NCAM1: variants seen among roughly 807,000 people sequenced by gnomAD.
NCAM1 encodes antigen recognized by monoclonal antibody 5.1H11.
In NCAM1, 14 loss-of-function variants were observed where a neutral mutation model predicts 109.8. The ratio of observed to expected loss-of-function variants is 0.13; its 90% CI spans 0.08 to 0.20. NCAM1 has a LOEUF of 0.20. Ranked by LOEUF, NCAM1 falls within the 10% of genes least tolerant of loss-of-function variation. NCAM1 has a pLI of 1.00. For synonymous variants in NCAM1, 418 were observed against 442.9 expected, an observed-to-expected ratio of 0.94 and a Z score of 0.70; for missense variants, 774 against 1,109.9, an observed-to-expected ratio of 0.70 and a Z score of 4.30.
At chr11:113,246,200 T>A in intron 14 of NCAM1, 168 bp from the exon 15 acceptor site, 1 of 554,698 alleles carries the variant, frequency 1.8e-6, no homozygotes, top group Non-Finnish European at 3.2e-6. Context: ...TGTGATTTTG[T>A]TGTTGATTTT....
intron 1 of NCAM1, among the ~76,000 whole-genome samples, chr11:113,011,738 C>T (rs1247165803): frequency 6.6e-6 from 1 of 152,132 alleles, no homozygotes; most frequent in Non-Finnish European, 1.5e-5. Flanking sequence ...TGGAGGGGAT[C>T]GTTAAGCAGT....
chr11:113,196,576 A>G (rs1411677174), intron 1 of NCAM1, among the ~76,000 whole-genome samples: 1 of 152,222 alleles, frequency 6.6e-6, no homozygotes, highest in African/African-American at 2.4e-5. Flanking sequence ...TCTGCTTTAC[A>G]TATGTTGGTT....
At chr11:113,048,157 C>A (rs1555081146) in intron 1 of NCAM1, among the ~76,000 whole-genome samples, 1 of 152,046 alleles carries the variant, frequency 6.6e-6, no homozygotes, top group Non-Finnish European at 1.5e-5. Context: ...CTGTTTTTTC[C>A]TGAGAAAAGG....
chr11:113,037,950 C>G (rs1275349997), intron 1 of NCAM1, among the ~76,000 whole-genome samples: 1 of 152,146 alleles, frequency 6.6e-6, no homozygotes, highest in Non-Finnish European at 1.5e-5. Context: ...TCTGGCCCAG[C>G]CTCCAAGGAA....
chr11:113,238,919 C>T (rs1945249531), intron 14 of NCAM1, among the ~76,000 whole-genome samples: 1 of 152,218 alleles, frequency 6.6e-6, no homozygotes, highest in South Asian at 2.1e-4. Context: ...TCCTGGGCTG[C>T]CAGGTGTCAG....
chr11:113,025,637 C>G (rs1489220246), intron 1 of NCAM1, among the ~76,000 whole-genome samples: 1 of 151,610 alleles, frequency 6.6e-6, no homozygotes, highest in Non-Finnish European at 1.5e-5. Context: ...CCCTCTGATT[C>G]AGCCCAGGAG....
intron 1 of NCAM1, among the ~76,000 whole-genome samples, chr11:113,099,532 A>G (rs1939768914): frequency 2.6e-5 from 4 of 152,224 alleles, no homozygotes; most frequent in Admixed American, 2.6e-4. Flanking sequence ...AATGTGCGTT[A>G]ACAACAAACA....
intron 14 of NCAM1, chr11:113,243,035 T>G: frequency 9.5e-6 from 9 of 944,002 alleles, no homozygotes; most frequent in Non-Finnish European, 1.1e-5. Flanking sequence ...AAACCAAGCA[T>G]CAGCAAAAGA....
At chr11:113,243,740 G>A (rs1945415655) in intron 14 of NCAM1, 6 of 301,354 alleles carry the variant, frequency 2.0e-5, no homozygotes, top group Non-Finnish European at 4.2e-5. Flanking sequence ...TGCTTGCACA[G>A]AAAAAAAATG....
chr11:113,005,202 G>A (rs1182629173), intron 1 of NCAM1, among the ~76,000 whole-genome samples: 1 of 151,978 alleles, frequency 6.6e-6, no homozygotes, highest in Non-Finnish European at 1.5e-5. Context: ...TGGTCAGTTA[G>A]CCTAATTAGT....
chr11:113,047,618 C>T (rs1953316325), intron 1 of NCAM1, among the ~76,000 whole-genome samples: 1 of 152,144 alleles, frequency 6.6e-6, no homozygotes, highest in African/African-American at 2.4e-5. Flanking sequence ...GGTCTATTCT[C>T]ACGCTGCTAT....
chr11:113,015,785 T>G (rs1203692868), intron 1 of NCAM1, among the ~76,000 whole-genome samples: 1 of 152,062 alleles, frequency 6.6e-6, no homozygotes, highest in East Asian at 1.9e-4. Context: ...TCAGTCCTAA[T>G]TCAGGATCTA....
intron 1 of NCAM1, among the ~76,000 whole-genome samples, chr11:113,146,076 A>G (rs1421694554): frequency 1.1e-4 from 17 of 152,232 alleles, no homozygotes; most frequent in Admixed American, 1.1e-3. Flanking sequence ...TATTAGTTTT[A>G]TAGCTCTACC....
At chr11:113,247,127 T>C (rs1405420238) in intron 15 of NCAM1, among the ~76,000 whole-genome samples, 1 of 152,142 alleles carries the variant, frequency 6.6e-6, no homozygotes, top group African/African-American at 2.4e-5. Context: ...GACAAAATAA[T>C]TAGTTAATAT....
At chr11:113,002,068 G>A (rs536292549) in intron 1 of NCAM1, among the ~76,000 whole-genome samples, 1 of 152,254 alleles carries the variant, frequency 6.6e-6, no homozygotes, top group East Asian at 1.9e-4. Context: ...TTCGGTTTAG[G>A]CCAGATTCCC....
chr11:113,205,709 C>T, intron 4 of NCAM1, 43 bp downstream of exon 4: 1 of 1,594,834 alleles, frequency 6.3e-7, no homozygotes, highest in Non-Finnish European at 8.5e-7. Flanking sequence ...CCCCAGGCCA[C>T]CAAGTTCCCT....
chr11:113,024,976 G>A lies in NCAM1; in HGVS notation c.52+63312G>A, dbSNP rs374734621. Among the ~76,000 whole-genome samples, 21 of 152,300 alleles carry A rather than the reference G, an allele frequency of 1.4e-4. No homozygotes were observed. The East Asian group carries it at 2.9e-3, about 21-fold the overall frequency. On this transcript the variant is annotated intron_variant, in intron 1 of 19. Coordinates refer to ENST00000316851, the MANE Select transcript of NCAM1 (RefSeq NM_181351.5). ...CAGGTATGGACAATTAGGGAAAGCCGTTTGAACCAATGTTGAAATAATTTA... is the reference window on the plus strand; with the variant it reads ...CAGGTATGGACAATTAGGGAAAGCCATTTGAACCAATGTTGAAATAATTTA...
chr11:113,252,643 A>T (rs1219464144), intron 15 of NCAM1, among the ~76,000 whole-genome samples: 1 of 151,632 alleles, frequency 6.6e-6, no homozygotes, highest in Non-Finnish European at 1.5e-5. Context: ...ATATTATTTC[A>T]TTTTATTTTT....
intron 14 of NCAM1, chr11:113,242,951 A>G: frequency 6.3e-7 from 1 of 1,593,390 alleles, no homozygotes; most frequent in Non-Finnish European, 8.5e-7. Flanking sequence ...TATTAAAAGC[A>G]ACAGTTGTGA....
Sources: allele counts gnomAD v4.1 joint callset (sites outside exome capture counted in the v4.1 genomes callset), GRCh38; gene constraint gnomAD v4.1.1; transcripts MANE v1.5; gene names NCBI Gene and HGNC (gene_info 2026-07-23, HGNC 2026-07-21).